DCUN1D2: variants seen among roughly 807,000 people sequenced by gnomAD.
The protein encoded by DCUN1D2 is DCN1-like protein 2.
Under a neutral mutation model 30.9 loss-of-function variants are expected in DCUN1D2, and 29 were observed. That is an observed-to-expected ratio of 0.94 (90% CI 0.70 to 1.28). DCUN1D2 has a LOEUF of 1.28. DCUN1D2 is among the 50% of genes most tolerant of loss of function. The probability of loss-of-function intolerance (pLI) is 0.00; values close to 1 mark genes in which losing one functional copy is unlikely to be tolerated. For synonymous variants in DCUN1D2, 121 were observed against 115.3 expected (o/e 1.05, Z -0.32); for missense variants, 325 against 316.9 (o/e 1.03, Z -0.19).
At chr13:113,459,432 A>T (rs199546834) in intron 5 of DCUN1D2, 24 bp from the exon 6 acceptor site, 1 of 1,128,354 alleles carries the variant, frequency 8.9e-7, no homozygotes, top group Non-Finnish European at 1.3e-6. Flanking sequence ...GAAAAAAAAA[A>T]CCCACCAGGT....
rs1238116369 is a variant in DCUN1D2, at chr13:113,488,977, C to T, written c.3+1690G>A. The T allele has an allele frequency of 6.5e-6, 2 of 309,160 alleles. No individual in the cohort carries two copies. The highest frequency in any genetic ancestry group is 1.3e-4 in the Admixed American group (2 of 15,432). The allele number at this position is 309,160 out of a possible 1,614,324, so 19.2% of individuals were successfully genotyped here. ...AAATCTCTAAACTATAAAAAAGTCT[C>T]AAACACTTTAATTGTGACCTTGTGA... On this transcript the variant is annotated intron_variant, in intron 1 of 6. Coordinates refer to ENST00000478244, the MANE Select transcript of DCUN1D2 (RefSeq NM_001014283.2). This position sits in a 1 kb window ranked among gnomAD's most constrained non-coding sequence, Gnocchi z 4.3.
At chr13:113,458,739 C>T (rs186138847) in intron 6 of DCUN1D2, among the ~76,000 whole-genome samples, 4 of 152,278 alleles carry the variant, frequency 2.6e-5, no homozygotes, top group East Asian at 1.9e-4. Flanking sequence ...AAAGGCACGG[C>T]GCCAGGGCCC....
intron 5 of DCUN1D2, 58 bp from the exon 6 acceptor site, chr13:113,459,466 A>G (rs1732656070): frequency 1.3e-6 from 1 of 793,866 alleles, no homozygotes; most frequent in African/African-American, 1.7e-5. Context: ...CTTAACTCTC[A>G]TATATTCTAG....
intron 2 of DCUN1D2, among the ~76,000 whole-genome samples, chr13:113,482,302 C>T (rs985611944): frequency 1.3e-5 from 2 of 152,184 alleles, no homozygotes; most frequent in Non-Finnish European, 2.9e-5. Flanking sequence ...GATGAAGCTT[C>T]AATAACACCC....
intron 3 of DCUN1D2, 125 bp from the exon 4 acceptor site, chr13:113,474,379 C>T (rs1321300932): frequency 3.0e-6 from 4 of 1,333,922 alleles, no homozygotes; most frequent in Non-Finnish European, 4.1e-6. Flanking sequence ...TCCCAACTTC[C>T]TTTCCCAGGC....
chr13:113,470,492 A>G lies in DCUN1D2; in HGVS notation c.520+3632T>C, dbSNP rs548922362. Among the ~76,000 whole-genome samples the G allele has an allele frequency of 3.3e-5, 5 of 152,330 alleles. No individual in the cohort carries two copies. The South Asian group carries it at 1.0e-3, about 32-fold the overall frequency. ...AAAAAGGACTGAGAGAAAGCAACGC[A>G]CACTGCCGAAGACTTAACTCCACAG... On this transcript the variant is annotated intron_variant, in intron 4 of 6. Transcript: ENST00000478244.
chr13:113,465,551 G>A (rs1004439155), intron 4 of DCUN1D2, among the ~76,000 whole-genome samples: 2 of 151,346 alleles, frequency 1.3e-5, no homozygotes, highest in African/African-American at 2.4e-5. Context: ...AGCCACAGCA[G>A]AAACCAGCAC....
At chr13:113,478,547 T>C (rs2139725787) in intron 3 of DCUN1D2, among the ~76,000 whole-genome samples, 1 of 152,322 alleles carries the variant, frequency 6.6e-6, no homozygotes, top group Middle Eastern at 3.4e-3. Context: ...ATTCTTTTTC[T>C]ATTTCTTGAG....
chr13:113,485,800 G>A (rs937407892), intron 1 of DCUN1D2, among the ~76,000 whole-genome samples: 1 of 152,034 alleles, frequency 6.6e-6, no homozygotes, highest in Non-Finnish European at 1.5e-5. Flanking sequence ...GGCCTTTCAG[G>A]AGTCCCACAG....
chr13:113,483,619 G>T (rs1298857764), intron 2 of DCUN1D2, among the ~76,000 whole-genome samples: 1 of 152,178 alleles, frequency 6.6e-6, no homozygotes. Flanking sequence ...CCCCATCGCT[G>T]ACTCCACTCT....
chr13:113,491,151 G>A (rs917516687), upstream of DCUN1D2: 2 of 152,342 alleles, frequency 1.3e-5, no homozygotes, highest in South Asian at 2.1e-4. Flanking sequence ...CTCCGGCGCT[G>A]CGCTCCGAGG....
Position 113,456,797 on chromosome 13 carries a change from CA to C in DCUN1D2, c.*1231del, listed in dbSNP as rs2044233599. On this transcript the variant is annotated 3_prime_UTR_variant, in exon 7 of 7. Coordinates refer to ENST00000478244, the MANE Select transcript of DCUN1D2 (RefSeq NM_001014283.2). ...GTACATTTTAGCTTCCAAATGTGCA[CA>C]GGGGCACAAAGGTCTGGATGCTGGG... 6.3e-6 allele frequency: 1 copy of C among 158,054 alleles called. No homozygotes were observed. The highest frequency in any genetic ancestry group is 2.4e-5 in the African/African-American group (1 of 41,686). 9.8% of individuals were successfully genotyped at this position (158,054 alleles called of 1,614,324 possible).
At chr13:113,475,809 C>A (rs965967113) in intron 3 of DCUN1D2, 8 of 152,298 alleles carry the variant, frequency 5.3e-5, no homozygotes, top group African/African-American at 1.4e-4. Flanking sequence ...CAGAGTGTGA[C>A]CTTCTTAAAA....
intron 4 of DCUN1D2, among the ~76,000 whole-genome samples, chr13:113,472,286 CAAAAATAAA>C (rs1202836700): frequency 6.6e-6 from 1 of 151,074 alleles, no homozygotes; most frequent in Non-Finnish European, 1.5e-5. Context: ...TCCAAATGAA[CAAAAATAAA>C]AAAAATAAAA....
chr13:113,457,569 G>C lies in DCUN1D2; in HGVS notation c.*460C>G, dbSNP rs888409140. Reference sequence around the variant, plus strand: ...CTCTACGACAAGATCCTCTCCCTTAGGGCACATTCTTAACAGCTTTGACGT... The same window carrying C: ...CTCTACGACAAGATCCTCTCCCTTACGGCACATTCTTAACAGCTTTGACGT... On this transcript the variant is annotated 3_prime_UTR_variant, in exon 7 of 7. Coordinates refer to ENST00000478244, the MANE Select transcript of DCUN1D2 (RefSeq NM_001014283.2). The C allele has an allele frequency of 2.0e-4, 30 of 153,260 alleles. No individual in the cohort carries two copies. The highest frequency in any genetic ancestry group is 4.1e-4 in the Non-Finnish European group (28 of 68,794). The allele number at this position is 153,260 out of a possible 1,614,324, so 9.5% of individuals were successfully genotyped here.
At chr13:113,482,440 C>A (rs2044726588) in intron 2 of DCUN1D2, among the ~76,000 whole-genome samples, 1 of 152,120 alleles carries the variant, frequency 6.6e-6, no homozygotes, top group Admixed American at 6.5e-5. Context: ...ATTAACTTAG[C>A]CAAAAATTTT....
chr13:113,484,028 T>G lies in DCUN1D2; in HGVS notation c.32A>C (p.Lys11Thr). 6.2e-7 allele frequency: 1 copy of G among 1,614,082 alleles called. No homozygotes were observed. The highest frequency in any genetic ancestry group is 2.2e-5 in the East Asian group (1 of 44,886). Residue 11 changes from lysine (K) to threonine (T), a missense_variant, in exon 2 of 7, where the codon AAG becomes ACG. By Grantham distance (78) the Lys-to-Thr change is moderately conservative (BLOSUM62 -1). Transcript: ENST00000478244. The stretch of plus-strand genomic sequence containing the variant: ...AGTGCACGCCATAAACTGGCGGACC[T>G]TGTCCTTCTGAGACGATTTAAGCTT... MHKLKSSQKD[K>T]VRQFMACTQA...
At chr13:113,462,864 G>T in intron 4 of DCUN1D2, 1 of 1,264,620 alleles carries the variant, frequency 7.9e-7, no homozygotes. Flanking sequence ...ATGATGTAAA[G>T]CTTTCACATT....
At chr13:113,461,954 A>G (rs1040128195) in intron 4 of DCUN1D2, among the ~76,000 whole-genome samples, 2 of 152,132 alleles carry the variant, frequency 1.3e-5, no homozygotes, top group African/African-American at 4.8e-5. Flanking sequence ...TCAGAATTCT[A>G]TTTTTTTAAA....
Sources: gnomAD v4.1 joint callset for allele counts (sites outside exome capture counted in the v4.1 genomes callset) on GRCh38, gnomAD v4.1.1 for gene constraint, Gnocchi (gnomAD v3.1) non-coding constraint, MANE v1.5 for transcripts, NCBI Gene and HGNC (gene_info 2026-07-23, HGNC 2026-07-21) for gene names.